Variants in AFDN observed in about 807,000 individuals in gnomAD.
AFDN encodes the protein afadin.
AFDN carries 68 observed loss-of-function variants against 216.6 expected under a neutral mutation model. The observed-to-expected ratio is 0.31, with a 90% confidence interval of 0.26 to 0.38. The LOEUF (loss-of-function observed/expected upper bound fraction) is 0.38, where lower values mean the gene tolerates loss of function less well. Among genes scored for constraint, AFDN ranks in the 10% least tolerant of loss-of-function variants. The probability of loss-of-function intolerance (pLI) is 1.00; values close to 1 mark genes in which losing one functional copy is unlikely to be tolerated. For missense variants in AFDN, 2,136 were observed against 2,342.0 expected (o/e 0.91, Z 1.82); for synonymous variants, 868 against 853.7 (o/e 1.02, Z -0.29).
intron 30 of AFDN, among the ~76,000 whole-genome samples, chr6:167,955,580 G>T (rs958151301): frequency 1.3e-5 from 2 of 152,096 alleles, no homozygotes; most frequent in East Asian, 3.9e-4. Context: ...CTGACCTGAG[G>T]CATTGAAGAT....
At chr6:167,905,531 G>A (rs771229742) in intron 12 of AFDN, among the ~76,000 whole-genome samples, 4 of 152,108 alleles carry the variant, frequency 2.6e-5, no homozygotes, top group Non-Finnish European at 5.9e-5. Context: ...TCCTTTTCTG[G>A]ACTCTGGTAT....
At chr6:167,867,722 C>T (rs762620950) in intron 2 of AFDN, among the ~76,000 whole-genome samples, 6 of 152,232 alleles carry the variant, frequency 3.9e-5, no homozygotes, top group Non-Finnish European at 7.4e-5. Flanking sequence ...TGAGCCACCG[C>T]GCCCGGTTAC....
At chr6:167,847,715 C>G (rs1781853357) in intron 1 of AFDN, among the ~76,000 whole-genome samples, 1 of 152,324 alleles carries the variant, frequency 6.6e-6, no homozygotes, top group Admixed American at 6.5e-5. Flanking sequence ...AACTTCATAT[C>G]TCCCACCTGG....
chr6:167,912,528 A>G (rs1790528334), intron 15 of AFDN, among the ~76,000 whole-genome samples: 1 of 152,206 alleles, frequency 6.6e-6, no homozygotes, highest in Non-Finnish European at 1.5e-5. Context: ...CTTTTACCCA[A>G]GTTAGGAAAT....
At position 167,946,767 on chromosome 6, in the gene AFDN, A is replaced by G; in HGVS notation, c.3419A>G (p.Asn1140Ser). 6.2e-7 allele frequency: 1 copy of G among 1,614,064 alleles called. No homozygotes were observed. Among genetic ancestry groups the G allele is most frequent in the Non-Finnish European group, 8.5e-7 (1 of 1,179,978 alleles). Residue 1140 changes from asparagine to serine, a missense_variant, in exon 27 of 34, where the codon AAT becomes AGT. Physicochemically the swap from Asn to Ser is conservative, Grantham distance 46. Transcript: ENST00000683244. ...RPKSEGFELY[N>S]NSTQNGSPES... ...AAGAGTGAAGGCTTTGAGCTCTATA[A>G]TAATTCAACTCAAAATGGGTCTCCT...
In AFDN at chr6:167,875,434, G is replaced by T; in HGVS notation, c.678G>T (p.Arg226Ser). 6.2e-7 allele frequency: 1 copy of T among 1,613,994 alleles called. No homozygotes were observed. The highest frequency in any genetic ancestry group is 2.2e-5 in the East Asian group (1 of 44,878). Residue 226 changes from arginine (R) to serine (S), a missense_variant, in exon 5 of 34, where the codon AGG becomes AGT. Arg to Ser is a moderately radical substitution (Grantham distance 110). Coordinates refer to ENST00000683244, the MANE Select transcript of AFDN (RefSeq NM_001386888.1). Reference protein sequence around the residue: ...SNPEVVMKRRRQQKLEKRMQE... With the variant: ...SNPEVVMKRRSQQKLEKRMQE... ...CTGAGGTGGTTATGAAACGACGGAG[G>T]CAGCAAAAATTGGAAAAGAGAATGC...
At chr6:167,895,395 G>T (rs931209235) in intron 9 of AFDN, among the ~76,000 whole-genome samples, 1 of 152,168 alleles carries the variant, frequency 6.6e-6, no homozygotes, top group Admixed American at 6.5e-5. Context: ...AGATGATTTT[G>T]ATGTCTTGTT....
Position 167,828,990 on chromosome 6 carries a change from G to A in AFDN, c.105+1753G>A, listed in dbSNP as rs570813017. 2.0e-4 allele frequency among the ~76,000 whole-genome samples: 31 copies of A among 151,724 alleles called. No homozygotes were observed. The South Asian group carries it at 6.3e-3, about 31-fold the overall frequency. The stretch of plus-strand genomic sequence containing the variant: ...GTGATATGACTAGTTTTTAAAATTG[G>A]CCTGTCATTTGGAAAGCTGTTTTTT... On this transcript the variant is annotated intron_variant, in intron 1 of 33. Coordinates refer to ENST00000683244, the MANE Select transcript of AFDN (RefSeq NM_001386888.1).
At chr6:167,904,877 T>G (rs1043453649) in intron 12 of AFDN, among the ~76,000 whole-genome samples, 41 of 152,212 alleles carry the variant, frequency 2.7e-4, no homozygotes, top group Non-Finnish European at 3.8e-4. Flanking sequence ...CTAGTTACTG[T>G]TCTGCTTTCG....
chr6:167,958,214 A>G (rs1168460398), intron 30 of AFDN, among the ~76,000 whole-genome samples: 1 of 152,252 alleles, frequency 6.6e-6, no homozygotes, highest in Non-Finnish European at 1.5e-5. Context: ...AACAGAAATC[A>G]ATTCATATTT....
At chr6:167,830,887 T>G (rs1779749270) in intron 1 of AFDN, among the ~76,000 whole-genome samples, 1 of 151,818 alleles carries the variant, frequency 6.6e-6, no homozygotes, top group African/African-American at 2.4e-5. Context: ...CAGACTAATA[T>G]TAGCTTGTGA....
At chr6:167,839,986 G>T (rs760428966) in intron 1 of AFDN, among the ~76,000 whole-genome samples, 1 of 152,170 alleles carries the variant, frequency 6.6e-6, no homozygotes, top group Non-Finnish European at 1.5e-5. Context: ...GCCGCGCTGA[G>T]CAAGAGGAGC....
chr6:167,847,863 ATT>A (rs35846790), intron 1 of AFDN, among the ~76,000 whole-genome samples: 4 of 151,410 alleles, frequency 2.6e-5, no homozygotes, highest in Admixed American at 1.3e-4. Flanking sequence ...AGACTCCCCA[ATT>A]TTTTTTTAAT....
In AFDN at chr6:167,946,864, A is replaced by G. The variant is rs1407096547; in HGVS notation, c.3516A>G (p.Lys1172=). 1.2e-6 allele frequency: 2 copies of G among 1,612,866 alleles called. No homozygotes were observed. Among genetic ancestry groups the G allele is most frequent in the Non-Finnish European group, 1.7e-6 (2 of 1,179,682 alleles). Residue 1172 remains lysine, a synonymous_variant, in exon 27 of 34, where the codon AAA becomes AAG. Transcript: ENST00000683244. ...TGCCTGGTGATGACAGACTGATGAA[A>G]AATAGAGCTGATCACCGTTCCAGCC... is the stretch of plus-strand genomic sequence containing the variant. ...KKLPGDDRLM[K]NRADHRSSPN...
chr6:167,912,905 T>C (rs911005152), intron 15 of AFDN, among the ~76,000 whole-genome samples: 6 of 152,240 alleles, frequency 3.9e-5, no homozygotes, highest in Non-Finnish European at 8.8e-5. Context: ...AGTATAGGTG[T>C]AAGTTATTTA....
intron 1 of AFDN, among the ~76,000 whole-genome samples, chr6:167,833,013 G>C (rs994549226): frequency 2.6e-5 from 4 of 152,180 alleles, no homozygotes; most frequent in Admixed American, 2.6e-4. Context: ...TTAACTCTAG[G>C]TATGAACAGG....
chr6:167,963,158 A>G, intron 31 of AFDN: 3 of 1,065,902 alleles, frequency 2.8e-6, no homozygotes, highest in Non-Finnish European at 3.4e-6. Context: ...CTTTTAATTG[A>G]ATTTTAAAAT....
chr6:167,911,492 A>G lies in AFDN; in HGVS notation c.2037+3A>G. 1 of 1,613,980 alleles carries G rather than the reference A, an allele frequency of 6.2e-7. No homozygotes were observed. Among genetic ancestry groups the G allele is most frequent in the Non-Finnish European group, 8.5e-7 (1 of 1,179,870 alleles). On this transcript the variant is annotated splice_donor_region_variant and intron_variant, in intron 15 of 33. Transcript: ENST00000683244. ...GCATGATGGAGGGTGTCATCCAGGTACGTTCCAGCCGGCCAGCCATGCTCC... is the reference window on the plus strand; with the variant it reads ...GCATGATGGAGGGTGTCATCCAGGTGCGTTCCAGCCGGCCAGCCATGCTCC...
chr6:167,924,276 T>C (rs1792210229), intron 22 of AFDN, among the ~76,000 whole-genome samples: 1 of 152,244 alleles, frequency 6.6e-6, no homozygotes, highest in Non-Finnish European at 1.5e-5. Context: ...GTGTATGCAC[T>C]GTTAATTTTC....
Sources: allele counts gnomAD v4.1 joint callset (sites outside exome capture counted in the v4.1 genomes callset), GRCh38; gene constraint gnomAD v4.1.1; transcripts MANE v1.5; gene names NCBI Gene and HGNC (gene_info 2026-07-23, HGNC 2026-07-21).